The following LY96 variants were observed in gnomAD, a reference collection of about 807,000 sequenced individuals.
The protein encoded by LY96 is lymphocyte antigen 96, also known as myeloid differentiation protein-2.
In LY96, 18 loss-of-function variants were observed where a neutral mutation model predicts 18.9. The observed-to-expected ratio is 0.95, with a 90% CI of 0.66 to 1.41. The LOEUF (loss-of-function observed/expected upper bound fraction) is 1.41, where lower values mean the gene tolerates loss of function less well. Among genes scored for constraint, LY96 ranks in the 40% most tolerant of loss-of-function variants. LY96 has a pLI of 0.00. For missense variants in LY96, 175 were observed against 182.4 expected, an observed-to-expected ratio of 0.96 and a Z score of 0.23; for synonymous variants, 66 against 62.6, an observed-to-expected ratio of 1.06 and a Z score of -0.26.
chr8:74,054,677 T>C, the LY96 span, among the ~76,000 whole-genome samples: 5 of 147,464 alleles, frequency 3.4e-5, no homozygotes, highest in South Asian at 4.4e-4. Context: ...TCTTTCTTTT[T>C]ATTTGAGATG....
the LY96 span, among the ~76,000 whole-genome samples, chr8:74,057,069 G>T: frequency 1.9e-4 from 29 of 152,272 alleles, no homozygotes; most frequent in African/African-American, 7.0e-4. Context: ...AAATGGCAGG[G>T]ATCAAAAGGA....
chr8:74,056,895 C>A, the LY96 span, among the ~76,000 whole-genome samples: 1 of 152,138 alleles, frequency 6.6e-6, no homozygotes, highest in African/African-American at 2.4e-5. Flanking sequence ...ATTTCTGACC[C>A]CACAGAACTT....
At chr8:74,086,115 C>A in the LY96 span, among the ~76,000 whole-genome samples, 1 of 152,122 alleles carries the variant, frequency 6.6e-6, no homozygotes, top group African/African-American at 2.4e-5. Context: ...TTAGATCCCA[C>A]ATATAAGTGA....
At chr8:74,051,433 G>A in the LY96 span, among the ~76,000 whole-genome samples, 1 of 152,196 alleles carries the variant, frequency 6.6e-6, no homozygotes, top group African/African-American at 2.4e-5. Context: ...GCTTTTGACT[G>A]TAGGTAGGTT....
chr8:74,032,252 C>G (rs1816983808), downstream of LY96, among the ~76,000 whole-genome samples: 1 of 152,168 alleles, frequency 6.6e-6, no homozygotes, highest in Non-Finnish European at 1.5e-5. Flanking sequence ...CCCTGAGAAA[C>G]CTTTACTACA....
At chr8:74,058,024 G>A in the LY96 span, among the ~76,000 whole-genome samples, 1 of 152,128 alleles carries the variant, frequency 6.6e-6, no homozygotes, top group African/African-American at 2.4e-5. Flanking sequence ...TACTTCGTGA[G>A]CCTAAGGGCA....
chr8:74,098,490 G>A, the LY96 span, among the ~76,000 whole-genome samples: 15 of 152,004 alleles, frequency 9.9e-5, no homozygotes, highest in East Asian at 5.8e-4. Flanking sequence ...ATTCTCATGC[G>A]CCAGCCTCCT....
At chr8:74,065,830 C>T in the LY96 span, among the ~76,000 whole-genome samples, 2 of 152,194 alleles carry the variant, frequency 1.3e-5, no homozygotes, top group African/African-American at 2.4e-5. Context: ...TAAGAGGGAA[C>T]ATTCTGCCAT....
the LY96 span, among the ~76,000 whole-genome samples, chr8:74,074,993 T>G: frequency 6.0e-4 from 92 of 152,360 alleles, no homozygotes; most frequent in African/African-American, 2.1e-3. Flanking sequence ...AAATACCTAC[T>G]AGTTCCATTT....
chr8:74,067,151 G>C, the LY96 span, among the ~76,000 whole-genome samples: 2 of 152,214 alleles, frequency 1.3e-5, no homozygotes, highest in African/African-American at 4.8e-5. Flanking sequence ...TTTGTAATAA[G>C]TCTTATCATA....
At chr8:74,022,581 C>CTTTTTTT (rs769379029) in intron 3 of LY96, among the ~76,000 whole-genome samples, 1 of 133,142 alleles carries the variant, frequency 7.5e-6, no homozygotes, top group African/African-American at 2.9e-5. Context: ...TTCTTTTTTT[C>CTTTTTTT]TTTTTTTTTT....
chr8:74,062,361 T>A, the LY96 span, among the ~76,000 whole-genome samples: 13 of 152,176 alleles, frequency 8.5e-5, no homozygotes, highest in Non-Finnish European at 1.2e-4. Context: ...AAGCCCAGCA[T>A]GCATTAGCTA....
chr8:74,069,203 A>C, the LY96 span, among the ~76,000 whole-genome samples: 1 of 152,184 alleles, frequency 6.6e-6, no homozygotes, highest in Non-Finnish European at 1.5e-5. Context: ...GAAAACCATA[A>C]GTTTTAGATT....
the LY96 span, among the ~76,000 whole-genome samples, chr8:74,069,689 G>A: frequency 1.3e-5 from 2 of 152,046 alleles, no homozygotes; most frequent in African/African-American, 2.4e-5. Flanking sequence ...TGCAAACTCC[G>A]CCTCCTGGAT....
chr8:74,062,204 G>T, the LY96 span, among the ~76,000 whole-genome samples: 12 of 152,070 alleles, frequency 7.9e-5, no homozygotes, highest in Admixed American at 7.2e-4. Context: ...ATGTACTGGT[G>T]GCCAGGTACT....
At chr8:74,063,031 A>G in the LY96 span, among the ~76,000 whole-genome samples, 121 of 152,298 alleles carry the variant, frequency 7.9e-4, no homozygotes, top group Non-Finnish European at 1.5e-3. Flanking sequence ...GTCATTCTGT[A>G]TCAAGATCTC....
chr8:74,041,987 A>C, the LY96 span, among the ~76,000 whole-genome samples: 2 of 152,170 alleles, frequency 1.3e-5, no homozygotes, highest in African/African-American at 2.4e-5. Flanking sequence ...TCAGGTGGGC[A>C]TCATGGTCCT....
chr8:74,095,829 C>T, the LY96 span, among the ~76,000 whole-genome samples: 22 of 152,278 alleles, frequency 1.4e-4, no homozygotes, highest in Non-Finnish European at 2.8e-4. Flanking sequence ...CTGTCTGTGC[C>T]GCAAACTCCC....
the LY96 span, among the ~76,000 whole-genome samples, chr8:74,088,480 C>T: frequency 1.7e-4 from 26 of 152,272 alleles, no homozygotes; most frequent in African/African-American, 5.1e-4. Context: ...CACCACATAC[C>T]CCCAAGCATC....
Sources: allele counts gnomAD v4.1 joint callset (sites outside exome capture counted in the v4.1 genomes callset), GRCh38; gene constraint gnomAD v4.1.1; transcripts MANE v1.5; gene names NCBI Gene and HGNC (gene_info 2026-07-23, HGNC 2026-07-21).